Variants in FAIM observed in about 807,000 individuals in gnomAD.
FAIM encodes Fas apoptotic inhibitory molecule, also known as fas apoptotic inhibitory molecule 1.
FAIM carries 14 observed loss-of-function variants against 21.2 expected under a neutral mutation model. The observed-to-expected ratio is 0.66, with a 90% CI of 0.44 to 1.03. The LOEUF is 1.03. Ranked by LOEUF, FAIM falls within the 50% of genes least tolerant of loss-of-function variation. The pLI is 0.00. For synonymous variants in FAIM, 86 were observed against 80.4 expected, an observed-to-expected ratio of 1.07 and a Z score of -0.37; for missense variants, 222 against 247.1, an observed-to-expected ratio of 0.90 and a Z score of 0.68.
At position 138,622,270 on chromosome 3, in the gene FAIM, T is replaced by C; in HGVS notation, c.260T>C (p.Ile87Thr). 6.2e-7 allele frequency: 1 copy of C among 1,613,754 alleles called. No homozygotes were observed. The highest frequency in any genetic ancestry group is 8.5e-7 in the Non-Finnish European group (1 of 1,179,916). The change falls in exon 4 of 6, where the codon ATA (isoleucine) becomes ACA (threonine). Residue 87 changes from isoleucine to threonine, a missense_variant. Transcript: ENST00000360570. ...YVGAAKTKATINIDAISGFAY... is the reference protein window; with the variant it reads ...YVGAAKTKATTNIDAISGFAY... Reference sequence around the variant, plus strand: ...GGAGCTGCAAAGACAAAAGCGACCATAAATATAGACGCTATCAGTGGTTTT... The same window carrying C: ...GGAGCTGCAAAGACAAAAGCGACCACAAATATAGACGCTATCAGTGGTTTT...
chr3:138,618,384 G>C (rs533024143), intron 1 of FAIM, among the ~76,000 whole-genome samples: 2 of 151,988 alleles, frequency 1.3e-5, no homozygotes, highest in East Asian at 3.9e-4. Flanking sequence ...TATCTTTTTG[G>C]CTGGGTATGT....
At chr3:138,611,100 C>A in intron 1 of FAIM, 1 of 1,206,504 alleles carries the variant, frequency 8.3e-7, no homozygotes, top group Non-Finnish European at 1.2e-6. Context: ...GCTGGATGAA[C>A]TTAGAATATG....
intron 1 of FAIM, among the ~76,000 whole-genome samples, chr3:138,609,707 A>G (rs1170853240): frequency 6.7e-6 from 1 of 148,990 alleles, no homozygotes; most frequent in Non-Finnish European, 1.5e-5. Flanking sequence ...ATGGCTTTGG[A>G]CTGTGATTTA....
chr3:138,612,393 G>A (rs540620536), intron 1 of FAIM, among the ~76,000 whole-genome samples: 2 of 152,186 alleles, frequency 1.3e-5, no homozygotes, highest in South Asian at 2.1e-4. Context: ...GAGTCACCGC[G>A]CCCGGCCTTG....
intron 1 of FAIM, among the ~76,000 whole-genome samples, chr3:138,617,081 A>T (rs1354050454): frequency 6.6e-6 from 1 of 152,066 alleles, no homozygotes; most frequent in South Asian, 2.1e-4. Flanking sequence ...AAATGTTTTA[A>T]TGTGATCATG....
At position 138,632,297 on chromosome 3, in the gene FAIM, A is replaced by T. The variant is rs2043013982; in HGVS notation, c.457-633A>T. ...TGTAATCAGTATAAAAAGTTATTTT[A>T]TACATTTTTTTGTTTCATACTAGGT... On this transcript the variant is annotated intron_variant, in intron 5 of 5. Coordinates refer to ENST00000360570, the MANE Select transcript of FAIM (RefSeq NM_001033031.2). 1.3e-5 allele frequency among the ~76,000 whole-genome samples: 2 copies of T among 151,854 alleles called. 1 individual carries two copies. The highest frequency in any genetic ancestry group is 4.2e-4 in the South Asian group (2 of 4,806).
At chr3:138,627,962 G>A (rs915749842) in intron 4 of FAIM, among the ~76,000 whole-genome samples, 1 of 152,088 alleles carries the variant, frequency 6.6e-6, no homozygotes, top group Non-Finnish European at 1.5e-5. Flanking sequence ...GCACATACAG[G>A]CCATACTTCC....
chr3:138,628,876 A>C (rs1448139402), intron 4 of FAIM, among the ~76,000 whole-genome samples: 2 of 152,220 alleles, frequency 1.3e-5, no homozygotes, highest in Admixed American at 1.3e-4. Context: ...TTCTCTTAAA[A>C]GGTTGTTTTG....
intron 4 of FAIM, among the ~76,000 whole-genome samples, chr3:138,624,098 A>G (rs1345854123): frequency 6.6e-6 from 1 of 152,094 alleles, no homozygotes; most frequent in East Asian, 1.9e-4. Flanking sequence ...TTTCATAGTG[A>G]TATGTTTAGG....
chr3:138,610,312 G>A (rs951692496), intron 1 of FAIM, among the ~76,000 whole-genome samples: 3 of 152,074 alleles, frequency 2.0e-5, no homozygotes, highest in African/African-American at 7.2e-5. Flanking sequence ...GCTAGGGAAG[G>A]GATTTTAAAA....
intron 4 of FAIM, among the ~76,000 whole-genome samples, chr3:138,622,810 G>A (rs111556113): frequency 1.5e-3 from 222 of 152,038 alleles, no homozygotes; most frequent in Non-Finnish European, 2.6e-3. Context: ...AGGCTGAGGC[G>A]GGTGGATCAC....
intron 1 of FAIM, among the ~76,000 whole-genome samples, chr3:138,609,383 A>G (rs1332541721): frequency 6.6e-6 from 1 of 151,998 alleles, no homozygotes; most frequent in East Asian, 1.9e-4. Flanking sequence ...AAAACGTGGA[A>G]CAGAAAGCAA....
At chr3:138,618,977 A>G (rs1051605744) in intron 1 of FAIM, among the ~76,000 whole-genome samples, 17 of 152,224 alleles carry the variant, frequency 1.1e-4, no homozygotes, top group African/African-American at 4.1e-4. Context: ...GTTACTGTTT[A>G]GTTCATTGCA....
intron 4 of FAIM, among the ~76,000 whole-genome samples, chr3:138,626,093 T>C (rs2042936442): frequency 6.6e-6 from 1 of 152,198 alleles, no homozygotes; most frequent in Non-Finnish European, 1.5e-5. Flanking sequence ...GAACATAACC[T>C]GCTCAGGACT....
intron 2 of FAIM, 126 bp downstream of exon 2, chr3:138,619,896 T>C (rs2042865998): frequency 1.1e-6 from 1 of 890,934 alleles, no homozygotes; most frequent in African/African-American, 1.7e-5. Context: ...TACATGGTTC[T>C]GCTTTTGTGT....
intron 4 of FAIM, among the ~76,000 whole-genome samples, chr3:138,626,199 G>A (rs1312608013): frequency 6.6e-6 from 1 of 152,190 alleles, no homozygotes; most frequent in Non-Finnish European, 1.5e-5. Context: ...CAACTCCCAT[G>A]AGTCACTAAA....
At chr3:138,616,223 G>A (rs1207894855) in intron 1 of FAIM, among the ~76,000 whole-genome samples, 1 of 152,172 alleles carries the variant, frequency 6.6e-6, no homozygotes, top group African/African-American at 2.4e-5. Flanking sequence ...GGTTAAGGCT[G>A]TTGTTATAAG....
At chr3:138,622,656 C>G (rs1408028743) in intron 4 of FAIM, among the ~76,000 whole-genome samples, 1 of 151,966 alleles carries the variant, frequency 6.6e-6, no homozygotes, top group Non-Finnish European at 1.5e-5. Flanking sequence ...GTAAATGAAG[C>G]ATTCATTTAA....
chr3:138,626,028 G>A (rs2042935046), intron 4 of FAIM, among the ~76,000 whole-genome samples: 1 of 152,164 alleles, frequency 6.6e-6, no homozygotes, highest in Non-Finnish European at 1.5e-5. Context: ...GAAACTTCAC[G>A]CTGGAAGGAA....
Sources: gnomAD v4.1 joint callset for allele counts (sites outside exome capture counted in the v4.1 genomes callset) on GRCh38, gnomAD v4.1.1 for gene constraint, MANE v1.5 for transcripts, NCBI Gene and HGNC (gene_info 2026-07-23, HGNC 2026-07-21) for gene names.